GSK3B: variants seen among roughly 807,000 people sequenced by gnomAD.
GSK3B encodes glycogen synthase kinase 3 beta, also known as glycogen synthase kinase-3 beta.
In GSK3B, 15 loss-of-function variants were observed where a neutral mutation model predicts 56.4. That is an observed-to-expected ratio of 0.27 (90% CI 0.18 to 0.41). The LOEUF (loss-of-function observed/expected upper bound fraction) is 0.41. Among genes scored for constraint, GSK3B ranks in the 10% least tolerant of loss-of-function variants. The pLI is 1.00. For missense variants in GSK3B, 300 were observed against 513.4 expected, an observed-to-expected ratio of 0.58 and a Z score of 4.02; for synonymous variants, 181 against 188.9, an observed-to-expected ratio of 0.96 and a Z score of 0.34.
chr3:119,888,954 C>T (rs1049939455), intron 7 of GSK3B, among the ~76,000 whole-genome samples: 1 of 152,092 alleles, frequency 6.6e-6, no homozygotes, highest in Non-Finnish European at 1.5e-5. Flanking sequence ...TGAGGTCAGA[C>T]CAGTTCTCTG....
At chr3:120,077,615 G>C (rs1219540841) in intron 1 of GSK3B, among the ~76,000 whole-genome samples, 1 of 151,130 alleles carries the variant, frequency 6.6e-6, no homozygotes, top group African/African-American at 2.4e-5. Flanking sequence ...CTAGGCTTTT[G>C]TTAAGAGTTG....
At chr3:120,056,405 T>C (rs1481069744) in intron 1 of GSK3B, among the ~76,000 whole-genome samples, 2 of 152,204 alleles carry the variant, frequency 1.3e-5, no homozygotes, top group Non-Finnish European at 2.9e-5. Context: ...ACTAGTACGA[T>C]CTTGGCTGAC....
intron 1 of GSK3B, among the ~76,000 whole-genome samples, chr3:120,082,261 TAAAAATAAC>T (rs1389503554): frequency 1.3e-5 from 2 of 151,910 alleles, no homozygotes; most frequent in Admixed American, 6.6e-5. Flanking sequence ...TTCTATTACT[TAAAAATAAC>T]AAAAATAATA....
At chr3:120,080,473 A>G (rs556750264) in intron 1 of GSK3B, among the ~76,000 whole-genome samples, 1 of 152,176 alleles carries the variant, frequency 6.6e-6, no homozygotes, top group Non-Finnish European at 1.5e-5. Context: ...AAAGCTCTAG[A>G]ACTGACATAC....
chr3:120,004,091 C>T (rs2057702742), intron 1 of GSK3B, among the ~76,000 whole-genome samples: 1 of 152,256 alleles, frequency 6.6e-6, no homozygotes, highest in African/African-American at 2.4e-5. Flanking sequence ...ACCAGAAGAT[C>T]CCCTCCCATG....
intron 9 of GSK3B, among the ~76,000 whole-genome samples, chr3:119,860,741 G>T (rs2056090821): frequency 6.6e-6 from 1 of 152,134 alleles, no homozygotes; most frequent in South Asian, 2.1e-4. Flanking sequence ...CAACCAGAGG[G>T]AACATTAGAA....
At chr3:119,844,981 T>G (rs2055835690) in intron 9 of GSK3B, among the ~76,000 whole-genome samples, 1 of 152,186 alleles carries the variant, frequency 6.6e-6, no homozygotes, top group Admixed American at 6.5e-5. Context: ...GTCGGCTTCA[T>G]CCCTGGGATG....
At chr3:120,003,829 T>G (rs9812146) in intron 1 of GSK3B, among the ~76,000 whole-genome samples, 9,368 of 152,214 alleles carry the variant, frequency 0.062, 891 homozygotes, top group African/African-American at 0.21. Context: ...CAGGAAGATC[T>G]TTGCAGAACA....
intron 10 of GSK3B, among the ~76,000 whole-genome samples, chr3:119,831,512 C>T (rs1433174904): frequency 6.6e-6 from 1 of 152,000 alleles, no homozygotes; most frequent in Non-Finnish European, 1.5e-5. Flanking sequence ...CAAAAATTAG[C>T]TGGGCATAGT....
At chr3:119,965,997 G>A (rs537867712) in intron 2 of GSK3B, among the ~76,000 whole-genome samples, 56 of 152,304 alleles carry the variant, frequency 3.7e-4, no homozygotes, top group Non-Finnish European at 6.9e-4. Flanking sequence ...TCTACAGGAA[G>A]ATAGTCTATC....
chr3:119,855,272 C>G (rs1383549299), intron 9 of GSK3B, among the ~76,000 whole-genome samples: 2 of 152,102 alleles, frequency 1.3e-5, no homozygotes, highest in African/African-American at 2.4e-5. Flanking sequence ...ATCAAAACCA[C>G]AAGGAGATAC....
At chr3:119,861,831 A>T (rs6800622) in intron 9 of GSK3B, among the ~76,000 whole-genome samples, 1 of 151,970 alleles carries the variant, frequency 6.6e-6, no homozygotes, top group African/African-American at 2.4e-5. Context: ...AAATTGCCTA[A>T]TAATACATTT....
At chr3:119,882,136 T>C (rs1369607201) in intron 7 of GSK3B, among the ~76,000 whole-genome samples, 10 of 151,694 alleles carry the variant, frequency 6.6e-5, no homozygotes, top group Non-Finnish European at 1.5e-5. Flanking sequence ...TTCCCTGAAA[T>C]GAAAGTTTTA....
At chr3:119,984,395 T>TAAA (rs36165954) in intron 2 of GSK3B, among the ~76,000 whole-genome samples, 1 of 142,004 alleles carries the variant, frequency 7.0e-6, no homozygotes, top group African/African-American at 2.5e-5. Context: ...AGAAAAACCT[T>TAAA]AAAAAAAAAA....
chr3:119,959,083 C>G (rs935212406), intron 2 of GSK3B, among the ~76,000 whole-genome samples: 2 of 152,182 alleles, frequency 1.3e-5, no homozygotes, highest in African/African-American at 4.8e-5. Context: ...CAATTACTTT[C>G]CAGGACACTA....
intron 1 of GSK3B, among the ~76,000 whole-genome samples, chr3:120,067,021 T>TA (rs1356983962): frequency 1.3e-5 from 2 of 152,088 alleles, no homozygotes; most frequent in Non-Finnish European, 2.9e-5. Context: ...AAAAAAATTG[T>TA]AAAAAATCTC....
rs372298849 is a variant in GSK3B at position 120,021,349 on chromosome 3, C to CA, written c.89-19111dup. 8.4e-3 allele frequency among the ~76,000 whole-genome samples: 812 copies of CA among 96,334 alleles called. 6 individuals are homozygous for CA. Among genetic ancestry groups the CA allele is most frequent in the East Asian group, 0.023 (80 of 3,544 alleles). 63.2% of individuals were successfully genotyped at this position (96,334 alleles called of 152,430 possible). A position where few individuals can be genotyped will look rare whatever the true frequency, so the allele number is the denominator to read the frequency against. ...TGAAACCCCGTCTCTACTAAAAATA[C>CA]AAAAAAAAAAAAAAAAATTAGCCGG... is the stretch of plus-strand genomic sequence containing the variant. On this transcript the variant is annotated intron_variant, in intron 1 of 10. Coordinates refer to ENST00000264235, the MANE Select transcript of GSK3B (RefSeq NM_001146156.2).
At chr3:120,004,122 G>A (rs377089631) in intron 1 of GSK3B, among the ~76,000 whole-genome samples, 32 of 152,340 alleles carry the variant, frequency 2.1e-4, no homozygotes, top group Non-Finnish European at 4.1e-4. Flanking sequence ...CGGGTCCCAC[G>A]CCCACACAGC....
At chr3:119,874,684 C>T (rs1459362561) in intron 8 of GSK3B, among the ~76,000 whole-genome samples, 1 of 110,990 alleles carries the variant, frequency 9.0e-6, no homozygotes, top group Non-Finnish European at 2.3e-5. Context: ...TCCCTTTCCT[C>T]ATAAAAATAA....
Sources: gnomAD v4.1 joint callset for allele counts (sites outside exome capture counted in the v4.1 genomes callset) on GRCh38, gnomAD v4.1.1 for gene constraint, MANE v1.5 for transcripts, NCBI Gene and HGNC (gene_info 2026-07-23, HGNC 2026-07-21) for gene names.